PDE4D: variants seen among roughly 807,000 people sequenced by gnomAD.
PDE4D encodes the protein phosphodiesterase 4D.
A neutral mutation model predicts 87.4 loss-of-function variants in PDE4D; 24 were observed. The observed-to-expected ratio is 0.27, with a 90% CI of 0.20 to 0.39. The LOEUF is 0.39. Ranked by LOEUF, PDE4D falls within the 10% of genes least tolerant of loss-of-function variation. The probability of loss-of-function intolerance (pLI) is 1.00; values close to 1 mark genes in which losing one functional copy is unlikely to be tolerated. For synonymous variants in PDE4D, 384 were observed against 383.2 expected (o/e 1.00, Z -0.02); for missense variants, 714 against 1,041.0 (o/e 0.69, Z 4.32).
intron 1 of PDE4D, among the ~76,000 whole-genome samples, chr5:59,283,236 CT>C (rs1285394671): frequency 7.2e-5 from 11 of 152,102 alleles, no homozygotes; most frequent in African/African-American, 2.4e-4. Context: ...AGAAAAGCAG[CT>C]TTAAAACTTA....
chr5:60,152,882 C>A (rs985631770), intron 2 of PDE4D, among the ~76,000 whole-genome samples: 2 of 152,156 alleles, frequency 1.3e-5, no homozygotes, highest in African/African-American at 4.8e-5. Flanking sequence ...CCCTTATGAT[C>A]CATTTGATTT....
intron 3 of PDE4D, among the ~76,000 whole-genome samples, chr5:59,906,656 A>C (rs1360157231): frequency 6.6e-6 from 1 of 152,126 alleles, no homozygotes; most frequent in Non-Finnish European, 1.5e-5. Flanking sequence ...TGAATAAGAA[A>C]ATATTAGAAT....
At chr5:60,305,661 GA>G (rs1319816054) in intron 1 of PDE4D, among the ~76,000 whole-genome samples, 103 of 119,722 alleles carry the variant, frequency 8.6e-4, no homozygotes, top group Admixed American at 1.7e-3. Flanking sequence ...TGAGTAAACA[GA>G]AAAAAAAATC....
At chr5:59,376,100 G>C (rs1784684784) in intron 1 of PDE4D, among the ~76,000 whole-genome samples, 1 of 152,178 alleles carries the variant, frequency 6.6e-6, no homozygotes, top group South Asian at 2.1e-4. Context: ...GGCAGAAGCT[G>C]GAAGTATTAC....
chr5:59,899,784 A>G (rs1752041587), intron 3 of PDE4D, among the ~76,000 whole-genome samples: 1 of 152,172 alleles, frequency 6.6e-6, no homozygotes, highest in African/African-American at 2.4e-5. Context: ...CCAGCTTGTT[A>G]TGGCTGAGGA....
chr5:59,416,666 G>A, intron 1 of PDE4D, among the ~76,000 whole-genome samples: 1 of 152,172 alleles, frequency 6.6e-6, no homozygotes, highest in Non-Finnish European at 1.5e-5. Flanking sequence ...GAAGCAATGT[G>A]TCCCCAAAGT....
chr5:59,718,392 A>G (rs1206979928), intron 1 of PDE4D, among the ~76,000 whole-genome samples: 3 of 152,176 alleles, frequency 2.0e-5, no homozygotes, highest in Admixed American at 2.0e-4. Flanking sequence ...AAGCTGGTGA[A>G]CACCTTCCTT....
chr5:60,257,439 T>C (rs1477848305), intron 1 of PDE4D, among the ~76,000 whole-genome samples: 2 of 151,970 alleles, frequency 1.3e-5, no homozygotes, highest in Non-Finnish European at 2.9e-5. Context: ...AAGTATTTCA[T>C]GCAAGACAAA....
Position 59,692,874 on chromosome 5 carries a change from A to G in PDE4D, c.455+200294T>C, listed in dbSNP as rs527884077. Reference sequence around the variant, plus strand: ...TCACTTTTCATTTTGCAATGAGAACATGAATATTAACCATTTACATAATTA... The same window carrying G: ...TCACTTTTCATTTTGCAATGAGAACGTGAATATTAACCATTTACATAATTA... On this transcript the variant is annotated intron_variant, in intron 1 of 14. Transcript: ENST00000340635. 3.9e-5 allele frequency among the ~76,000 whole-genome samples: 6 copies of G among 152,266 alleles called. No homozygotes were observed. In the South Asian group the frequency reaches 1.2e-3, roughly 32 times the overall value.
At chr5:59,212,740 G>A (rs1393725868) in intron 2 of PDE4D, among the ~76,000 whole-genome samples, 2 of 152,000 alleles carry the variant, frequency 1.3e-5, no homozygotes, top group East Asian at 1.9e-4. Flanking sequence ...CTAACTCACT[G>A]TGAGTTTTCC....
intron 1 of PDE4D, among the ~76,000 whole-genome samples, chr5:60,353,827 G>A (rs1759389825): frequency 6.6e-6 from 1 of 152,036 alleles, no homozygotes; most frequent in African/African-American, 2.4e-5. Flanking sequence ...TGACCAGGCG[G>A]CCAATAACAT....
chr5:60,352,150 T>C (rs535429296), intron 1 of PDE4D, among the ~76,000 whole-genome samples: 6 of 152,076 alleles, frequency 3.9e-5, no homozygotes, highest in Non-Finnish European at 7.4e-5. Context: ...TTCTCCTATA[T>C]ACTCAAAATG....
chr5:60,032,066 C>T (rs2152860449), intron 2 of PDE4D, among the ~76,000 whole-genome samples: 1 of 152,050 alleles, frequency 6.6e-6, no homozygotes. Flanking sequence ...TTTAGTAAAA[C>T]TTCAAAAACA....
At chr5:59,893,834 C>T, upstream of PDE4D, 1 of 1,319,892 alleles carries the variant, frequency 7.6e-7, no homozygotes, top group Non-Finnish European at 9.6e-7. Context: ...CGGCAGGGCT[C>T]CTTCCACCGA....
At chr5:59,395,492 G>C (rs538539581) in intron 1 of PDE4D, among the ~76,000 whole-genome samples, 2 of 152,006 alleles carry the variant, frequency 1.3e-5, no homozygotes, top group Non-Finnish European at 2.9e-5. Flanking sequence ...CACACTGCAG[G>C]GTACTCCAAC....
At chr5:60,454,376 A>G (rs1457836373) in intron 1 of PDE4D, among the ~76,000 whole-genome samples, 1 of 152,200 alleles carries the variant, frequency 6.6e-6, no homozygotes, top group Non-Finnish European at 1.5e-5. Flanking sequence ...ACTATTCACA[A>G]TAGCAAAGAC....
chr5:60,368,655 A>C (rs376061265), intron 1 of PDE4D, among the ~76,000 whole-genome samples: 1 of 152,110 alleles, frequency 6.6e-6, no homozygotes, highest in Non-Finnish European at 1.5e-5. Context: ...TGTAATCCCC[A>C]GTGTTAGAGG....
intron 3 of PDE4D, among the ~76,000 whole-genome samples, chr5:59,929,081 T>C (rs984239581): frequency 2.0e-5 from 3 of 151,986 alleles, no homozygotes; most frequent in African/African-American, 7.2e-5. Flanking sequence ...TATGTGTGTG[T>C]GTGTTATGTG....
chr5:59,534,195 T>G (rs1363582405), intron 1 of PDE4D, among the ~76,000 whole-genome samples: 1 of 152,202 alleles, frequency 6.6e-6, no homozygotes, highest in Admixed American at 6.5e-5. Flanking sequence ...AGATTGATTT[T>G]CTTGCTCTAA....
Sources: gnomAD v4.1 joint callset for allele counts (sites outside exome capture counted in the v4.1 genomes callset) on GRCh38, gnomAD v4.1.1 for gene constraint, MANE v1.5 for transcripts, NCBI Gene and HGNC (gene_info 2026-07-23, HGNC 2026-07-21) for gene names.